The following VPS41 variants were observed in gnomAD, a reference collection of about 807,000 sequenced individuals.
VPS41 encodes VPS41 subunit of HOPS complex, also known as vacuolar protein sorting-associated protein 41 homolog.
A neutral mutation model predicts 130.9 loss-of-function variants in VPS41; 85 were observed. The ratio of observed to expected loss-of-function variants is 0.65; its 90% CI spans 0.55 to 0.78. VPS41 has a LOEUF of 0.78. Among genes scored for constraint, VPS41 ranks in the 30% least tolerant of loss-of-function variants. The probability of loss-of-function intolerance (pLI) is 0.00; values close to 1 mark genes in which losing one functional copy is unlikely to be tolerated. For synonymous variants in VPS41, 335 were observed against 332.9 expected, an observed-to-expected ratio of 1.01 and a Z score of -0.07; for missense variants, 874 against 1,018.7, an observed-to-expected ratio of 0.86 and a Z score of 1.93.
At chr7:38,778,239 T>C (rs1303995130) in intron 10 of VPS41, among the ~76,000 whole-genome samples, 1 of 152,224 alleles carries the variant, frequency 6.6e-6, no homozygotes, top group Non-Finnish European at 1.5e-5. Flanking sequence ...AATGTGTTTA[T>C]CCAGATACTT....
intron 16 of VPS41, among the ~76,000 whole-genome samples, chr7:38,764,895 G>T (rs568595042): frequency 3.7e-4 from 56 of 152,106 alleles, no homozygotes; most frequent in African/African-American, 1.3e-3. Flanking sequence ...AAACAGGGAG[G>T]CACGACTGGA....
chr7:38,805,733 G>GT (rs1271169108), intron 7 of VPS41, among the ~76,000 whole-genome samples: 13 of 152,272 alleles, frequency 8.5e-5, no homozygotes, highest in African/African-American at 2.9e-4. Context: ...AGAACTGATG[G>GT]TTTTGGGGCA....
intron 1 of VPS41, among the ~76,000 whole-genome samples, chr7:38,908,764 T>C (rs1445971935): frequency 6.6e-6 from 1 of 152,236 alleles, no homozygotes; most frequent in East Asian, 1.9e-4. Flanking sequence ...TACTCTCTCC[T>C]AGTTCTTATT....
At chr7:38,793,226 T>C (rs115907694) in intron 9 of VPS41, among the ~76,000 whole-genome samples, 1,863 of 152,336 alleles carry the variant, frequency 0.012, 48 homozygotes, top group African/African-American at 0.041. Flanking sequence ...ATATTTGTGT[T>C]CTGCAACACT....
chr7:38,824,935 G>A (rs1387671769), intron 5 of VPS41, among the ~76,000 whole-genome samples: 1 of 152,204 alleles, frequency 6.6e-6, no homozygotes, highest in Non-Finnish European at 1.5e-5. Context: ...TACTGGGACT[G>A]TGGATGTAAT....
Position 38,767,577 on chromosome 7 carries a change from T to C in VPS41, c.1207A>G (p.Asn403Asp), listed in dbSNP as rs201590901. 2.8e-5 allele frequency: 45 copies of C among 1,610,610 alleles called. No individual in the cohort carries two copies. In the South Asian group the frequency reaches 2.9e-4, roughly 10 times the overall value. The part of the protein sequence containing the change: ...KILDIGLAYI[N>D]HLVERGDYDI... ...TAGTCTCCTCTCTCCACCAGGTGAT[T>C]TATATATGCCAAGCCAATATCCTAG... is the stretch of plus-strand genomic sequence containing the variant. The change falls in exon 15 of 29, where the codon AAT (asparagine) becomes GAT (aspartate). Residue 403 changes from asparagine (N) to aspartate (D), a missense_variant. Asn to Asp is a conservative substitution (Grantham distance 23). Transcript: ENST00000310301.
intron 25 of VPS41, among the ~76,000 whole-genome samples, chr7:38,740,397 C>G (rs1795857566): frequency 6.6e-6 from 1 of 152,192 alleles, no homozygotes; most frequent in Admixed American, 6.5e-5. Context: ...CTTCCCCAGG[C>G]AGGGACGTCA....
chr7:38,899,871 A>AT (rs905512352), intron 1 of VPS41, among the ~76,000 whole-genome samples: 1 of 151,758 alleles, frequency 6.6e-6, no homozygotes, highest in African/African-American at 2.4e-5. Flanking sequence ...ACCTAAGGAA[A>AT]TTTTTTTTTC....
rs1795599702 is a variant in VPS41, at chr7:38,728,763, A to G, written c.2288T>C (p.Ile763Thr). 3.7e-6 allele frequency: 6 copies of G among 1,614,064 alleles called. No individual in the cohort carries two copies. The Admixed American group carries it at 8.3e-5, about 22-fold the overall frequency. ...TAAGGACAAAGAGTCAGCTACGAGA[A>G]TCTTCTTGCAGCCTTCACGAAGCAG... is the stretch of plus-strand genomic sequence containing the variant. ...QILLREGCKK[I>T]LVADSLSLLK... Residue 763 changes from isoleucine to threonine, a missense_variant, in exon 26 of 29, where the codon ATT (isoleucine) becomes ACT (threonine). Physicochemically the swap from Ile to Thr is moderately conservative, Grantham distance 89. Coordinates refer to ENST00000310301, the MANE Select transcript of VPS41 (RefSeq NM_014396.4).
chr7:38,843,332 A>G (rs1013203221), intron 4 of VPS41, among the ~76,000 whole-genome samples: 8 of 152,196 alleles, frequency 5.3e-5, no homozygotes, highest in Admixed American at 6.5e-5. Flanking sequence ...CAGAATTAAC[A>G]TGAGTATGCA....
chr7:38,870,735 T>C (rs1786333910), intron 2 of VPS41, among the ~76,000 whole-genome samples: 1 of 63,806 alleles, frequency 1.6e-5, no homozygotes, highest in African/African-American at 7.2e-5. Context: ...TATGACTATA[T>C]GTTCAAAAAA....
At chr7:38,820,956 T>TGC (rs1214541076) in intron 6 of VPS41, among the ~76,000 whole-genome samples, 4 of 151,192 alleles carry the variant, frequency 2.6e-5, no homozygotes, top group African/African-American at 7.4e-5. Context: ...CGTGTGTGTG[T>TGC]GTATGTGTGT....
chr7:38,726,037 C>T lies in VPS41; in HGVS notation c.*209G>A, dbSNP rs1795532934. On this transcript the variant is annotated 3_prime_UTR_variant, in exon 29 of 29. Transcript: ENST00000310301. ...AATAACAAAATATTCACTATGGACC[C>T]CAAAATTTCAAGGCATGAAGAGAGC... 1.9e-6 allele frequency: 1 copy of T among 523,484 alleles called. No individual in the cohort carries two copies. Among genetic ancestry groups the T allele is most frequent in the Admixed American group, 3.4e-5 (1 of 29,598 alleles). 32.4% of individuals were successfully genotyped at this position (523,484 alleles called of 1,614,324 possible).
chr7:38,753,456 G>A (rs1783724352), intron 21 of VPS41, among the ~76,000 whole-genome samples: 1 of 152,048 alleles, frequency 6.6e-6, no homozygotes, highest in Admixed American at 6.5e-5. Flanking sequence ...CCAGTCCACT[G>A]GCACTGGGGT....
chr7:38,754,955 G>C lies in VPS41; in HGVS notation c.1696-19C>G, dbSNP rs1380838178. On this transcript the variant is annotated intron_variant, in intron 19 of 28. Transcript: ENST00000310301. ...CAGCTTTCTGAAACATATAAGAAAA[G>C]CCACAGTCAATGAAATCCGTTATTT... 1 of 1,611,988 alleles carries C rather than the reference G, an allele frequency of 6.2e-7. No individual in the cohort carries two copies. Among genetic ancestry groups the C allele is most frequent in the Non-Finnish European group, 8.5e-7 (1 of 1,178,772 alleles).
intron 12 of VPS41, 48 bp downstream of exon 12, chr7:38,774,067 A>G (rs977671643): frequency 6.7e-7 from 1 of 1,501,994 alleles, no homozygotes; most frequent in Non-Finnish European, 9.0e-7. Flanking sequence ...GAAGGGGGAG[A>G]AAAAAACATT....
chr7:38,897,462 G>A (rs1051443533), intron 2 of VPS41, among the ~76,000 whole-genome samples: 2 of 151,714 alleles, frequency 1.3e-5, no homozygotes, highest in African/African-American at 4.8e-5. Context: ...TGGCTAACAC[G>A]GTGAAACCCT....
chr7:38,730,588 T>C (rs981964707), intron 25 of VPS41, among the ~76,000 whole-genome samples: 2 of 152,014 alleles, frequency 1.3e-5, no homozygotes, highest in African/African-American at 2.4e-5. Flanking sequence ...TTTAAAAAAA[T>C]ACATTAAAAT....
At chr7:38,760,830 TAAATAATACTTA>T in intron 17 of VPS41, among the ~76,000 whole-genome samples, 1 of 152,284 alleles carries the variant, frequency 6.6e-6, no homozygotes, top group South Asian at 2.1e-4. Flanking sequence ...TGAATTTGTT[TAAATAATACTTA>T]GAAATGAAAA....
Sources: gnomAD v4.1 joint callset for allele counts (sites outside exome capture counted in the v4.1 genomes callset) on GRCh38, gnomAD v4.1.1 for gene constraint, MANE v1.5 for transcripts, NCBI Gene and HGNC (gene_info 2026-07-23, HGNC 2026-07-21) for gene names.